The following TRAPPC2L variants were observed in gnomAD, a reference collection of about 807,000 sequenced individuals.
The protein encoded by TRAPPC2L is trafficking protein particle complex subunit 2L, also known as trafficking protein particle complex subunit 2-like protein.
Under a neutral mutation model 13.2 loss-of-function variants are expected in TRAPPC2L, and 17 were observed. The ratio of observed to expected loss-of-function variants is 1.29; its 90% confidence interval spans 0.88 to 1.93. TRAPPC2L has a LOEUF of 1.93. TRAPPC2L is among the 30% of genes most tolerant of loss of function. The pLI is 0.00. For missense variants in TRAPPC2L, 359 were observed against 252.1 expected, an observed-to-expected ratio of 1.42 and a Z score of -2.87; for synonymous variants, 150 against 98.1, an observed-to-expected ratio of 1.53 and a Z score of -3.12.
chr16:88,858,335 A>G (rs959867099), intron 1 of TRAPPC2L, among the ~76,000 whole-genome samples: 2 of 152,176 alleles, frequency 1.3e-5, no homozygotes. Context: ...CCCAGGTGCC[A>G]GGCTTGATCG....
chr16:88,859,573 G>T (rs1968224505), intron 2 of TRAPPC2L, 90 bp from the exon 3 acceptor site: 1 of 1,217,188 alleles, frequency 8.2e-7, no homozygotes, highest in Admixed American at 1.7e-5. Context: ...GTGATTCAAG[G>T]TTGCCACATT....
intron 2 of TRAPPC2L, 142 bp downstream of exon 2, chr16:88,858,933 T>C (rs1597624272): frequency 1.2e-6 from 1 of 810,040 alleles, no homozygotes; most frequent in East Asian, 2.7e-5. Context: ...TTGAGGTGAA[T>C]GAAGGCCTGT....
At chr16:88,859,851 G>T (rs775222497) in intron 3 of TRAPPC2L, 42 bp from the exon 4 acceptor site, 4 of 1,578,558 alleles carry the variant, frequency 2.5e-6, no homozygotes, top group South Asian at 2.3e-5. Context: ...GGCAGTGGCT[G>T]TGTGTATGTG....
chr16:88,856,394 G>A, upstream of TRAPPC2L: 1 of 701,790 alleles, frequency 1.4e-6, no homozygotes, highest in Non-Finnish European at 2.6e-6. Context: ...CCCAAGAGTA[G>A]AGGGCGGGAA....
rs971696049 is a variant in TRAPPC2L at position 88,861,098 on chromosome 16, G to A, written c.*774G>A. 8 of 782,370 alleles carry A rather than the reference G, an allele frequency of 1.0e-5. No homozygotes were observed. The South Asian group carries it at 1.3e-4, about 13-fold the overall frequency. The allele number at this position is 782,370 out of a possible 1,614,324, so 48.5% of individuals were successfully genotyped here. A position where few individuals can be genotyped will look rare whatever the true frequency, so the allele number is the denominator to read the frequency against. ...AGCTGTGCATGTTCTCTCAACTAAA[G>A]GTCTTGTGAGAGGAGATTTGGCTTT... On this transcript the variant is annotated 3_prime_UTR_variant, in exon 4 of 4. Coordinates refer to ENST00000565504, the Ensembl canonical transcript of TRAPPC2L.
exon 4 of TRAPPC2L, chr16:88,861,666 C>T (rs147390553): frequency 2.0e-4 from 101 of 495,842 alleles, no homozygotes; most frequent in African/African-American, 1.8e-3. Flanking sequence ...GGGCAGCGGC[C>T]GAGCCCATAG....
chr16:88,858,704 A>G lies in TRAPPC2L; in HGVS notation c.119A>G (p.Asp40Gly), dbSNP rs114835271. ...GTGCACACATCTCTGGACGTGGTGG[A>G]TGAGAAGATCTCCGCAATGGGGAAG... The change falls in exon 2 of 4, where the codon GAT becomes GGT. Residue 40 changes from aspartate (D) to glycine (G), a missense_variant. Coordinates refer to ENST00000565504, the Ensembl canonical transcript of TRAPPC2L. 3.9e-3 allele frequency: 6,254 copies of G among 1,613,644 alleles called. 16 individuals carry two copies. The highest frequency in any genetic ancestry group is 5.0e-3 in the Non-Finnish European group (5,854 of 1,180,012).
chr16:88,857,138 C>T, exon 1 of TRAPPC2L: 2 of 1,572,316 alleles, frequency 1.3e-6, no homozygotes, highest in East Asian at 2.4e-5. Context: ...TGCCTGGCGC[C>T]GAGCCTCCCA....
At chr16:88,857,307 G>T (rs1967999384) in intron 1 of TRAPPC2L, 124 bp downstream of exon 1, 6 of 931,410 alleles carry the variant, frequency 6.4e-6, no homozygotes, top group Middle Eastern at 2.2e-4. Context: ...CCTTCGCCGA[G>T]CTCCAGCGGT....
exon 4 of TRAPPC2L, chr16:88,861,006 G>T: frequency 6.5e-7 from 1 of 1,548,744 alleles, no homozygotes; most frequent in South Asian, 1.2e-5. Context: ...GCACGACTGT[G>T]GTGGGGCCGT....
upstream of TRAPPC2L, chr16:88,856,942 C>T: frequency 2.1e-6 from 3 of 1,456,192 alleles, no homozygotes; most frequent in South Asian, 1.3e-5. Flanking sequence ...GCCGGCCCTT[C>T]CGGCTGGGCT....
upstream of TRAPPC2L, chr16:88,856,413 C>T: frequency 1.4e-6 from 1 of 701,338 alleles, no homozygotes; most frequent in Non-Finnish European, 2.6e-6. Context: ...AAAGGTCAGA[C>T]GGGGGAGGCA....
chr16:88,856,722 ACCCCGGCCCTG>A (rs558262330), upstream of TRAPPC2L: 8 of 419,602 alleles, frequency 1.9e-5, no homozygotes, highest in Admixed American at 1.2e-4. Flanking sequence ...TCCCCGCCCC[ACCCCGGCCCTG>A]CCCCGTCCCA....
intron 2 of TRAPPC2L, chr16:88,859,335 G>A (rs545654500): frequency 1.5e-6 from 1 of 671,464 alleles, no homozygotes. Context: ...CGAAGCCTCT[G>A]GTTTTGCAGT....
chr16:88,857,507 C>T, intron 1 of TRAPPC2L: 1 of 354,436 alleles, frequency 2.8e-6, no homozygotes, highest in Non-Finnish European at 5.1e-6. Context: ...CCCGTTCTCC[C>T]GTCCAGCGCT....
At chr16:88,856,337 G>A (rs532186434), upstream of TRAPPC2L, 16 of 702,594 alleles carry the variant, frequency 2.3e-5, no homozygotes, top group African/African-American at 2.6e-4. Context: ...GGCGGCAGGA[G>A]CAGCCTCTTC....
At position 88,857,194 on chromosome 16, in the gene TRAPPC2L, G is replaced by C. The variant is rs1967983581; in HGVS notation, c.33+11G>C. On this transcript the variant is annotated intron_variant, in intron 1 of 3. Coordinates refer to ENST00000565504, the Ensembl canonical transcript of TRAPPC2L. ...GTGATTGCCAAGGAGGTGCGTACGC[G>C]CGGCGTGGGGCGTCCGGGCTCGCAC... 5 of 1,565,324 alleles carry C rather than the reference G, an allele frequency of 3.2e-6. No homozygotes were observed. Among genetic ancestry groups the C allele is most frequent in the Non-Finnish European group, 4.3e-6 (5 of 1,160,712 alleles).
exon 4 of TRAPPC2L, chr16:88,861,144 G>C (rs903100726): frequency 1.6e-5 from 10 of 622,290 alleles, no homozygotes; most frequent in Non-Finnish European, 2.5e-5. Context: ...GTCAGCCAAG[G>C]ATTTAATTAA....
upstream of TRAPPC2L, chr16:88,856,594 TC>T (rs1412307934): frequency 5.2e-4 from 86 of 163,974 alleles, no homozygotes; most frequent in Middle Eastern, 3.2e-3. Flanking sequence ...CCCCGTCCCC[TC>T]CCCCTCCTCC....
Sources: allele counts gnomAD v4.1 joint callset (sites outside exome capture counted in the v4.1 genomes callset), GRCh38; gene constraint gnomAD v4.1.1; transcripts MANE v1.5; gene names NCBI Gene and HGNC (gene_info 2026-07-23, HGNC 2026-07-21).